The following NDUFS4 variants were observed in gnomAD, a reference collection of about 807,000 sequenced individuals.
NDUFS4 encodes NADH dehydrogenase [ubiquinone] iron-sulfur protein 4, mitochondrial.
In NDUFS4, 28 loss-of-function variants were observed where a neutral mutation model predicts 24.3. That is an observed-to-expected ratio of 1.15 (90% confidence interval 0.85 to 1.58). The LOEUF is 1.58. NDUFS4 is among the 40% of genes most tolerant of loss of function. The pLI, the probability that NDUFS4 is intolerant of heterozygous loss-of-function variation, is 0.00. For synonymous variants in NDUFS4, 93 were observed against 69.7 expected, an observed-to-expected ratio of 1.34 and a Z score of -1.67; for missense variants, 223 against 207.9, an observed-to-expected ratio of 1.07 and a Z score of -0.45.
intron 2 of NDUFS4, among the ~76,000 whole-genome samples, chr5:53,627,405 G>A (rs147992869): frequency 3.9e-5 from 6 of 152,020 alleles, no homozygotes; most frequent in Non-Finnish European, 5.9e-5. Context: ...TAGTTTTTTC[G>A]AATTCTGTGA....
intron 2 of NDUFS4, among the ~76,000 whole-genome samples, chr5:53,635,929 T>C (rs964656735): frequency 6.6e-6 from 1 of 152,238 alleles, no homozygotes; most frequent in African/African-American, 2.4e-5. Flanking sequence ...TTATGTCATA[T>C]GTCAAATCAT....
At chr5:53,590,266 TG>T (rs1275483447) in intron 1 of NDUFS4, among the ~76,000 whole-genome samples, 1 of 152,234 alleles carries the variant, frequency 6.6e-6, no homozygotes, top group Non-Finnish European at 1.5e-5. Context: ...CCTTGTGTTT[TG>T]TCTGTTACAT....
chr5:53,649,541 C>G (rs1489760018), intron 3 of NDUFS4, among the ~76,000 whole-genome samples: 1 of 152,142 alleles, frequency 6.6e-6, no homozygotes, highest in Non-Finnish European at 1.5e-5. Context: ...TGATTTGATT[C>G]TTTTTTATTG....
intron 3 of NDUFS4, among the ~76,000 whole-genome samples, chr5:53,656,497 A>G (rs1202850507): frequency 6.6e-6 from 1 of 152,188 alleles, no homozygotes; most frequent in Admixed American, 6.5e-5. Flanking sequence ...GATTATTTGG[A>G]TGGACTTCCA....
intron 2 of NDUFS4, among the ~76,000 whole-genome samples, chr5:53,627,080 C>T (rs1408858901): frequency 6.6e-6 from 1 of 152,076 alleles, no homozygotes; most frequent in East Asian, 1.9e-4. Flanking sequence ...GGAAGGGATC[C>T]AGTTTCAGCT....
intron 1 of NDUFS4, among the ~76,000 whole-genome samples, chr5:53,577,934 C>A (rs1373285850): frequency 6.6e-6 from 1 of 152,126 alleles, no homozygotes; most frequent in Non-Finnish European, 1.5e-5. Context: ...ATCTAATTCT[C>A]CAGATGAGCA....
intron 1 of NDUFS4, among the ~76,000 whole-genome samples, chr5:53,583,471 T>G (rs573123845): frequency 6.6e-6 from 1 of 152,234 alleles, no homozygotes. Context: ...TGTAATTTTT[T>G]TCCGTAATAA....
At chr5:53,642,250 CA>C (rs1214088201) in intron 2 of NDUFS4, among the ~76,000 whole-genome samples, 7 of 152,018 alleles carry the variant, frequency 4.6e-5, no homozygotes, top group Non-Finnish European at 1.0e-4. Flanking sequence ...GAAATGGTGC[CA>C]AAAAGGAGGT....
At chr5:53,659,129 T>C (rs1257023219) in intron 4 of NDUFS4, among the ~76,000 whole-genome samples, 2 of 152,194 alleles carry the variant, frequency 1.3e-5, no homozygotes, top group Non-Finnish European at 2.9e-5. Flanking sequence ...TTTCTAGATA[T>C]AGTGGGCCTA....
intron 4 of NDUFS4, among the ~76,000 whole-genome samples, chr5:53,665,965 C>T (rs1304208408): frequency 6.6e-6 from 1 of 152,200 alleles, no homozygotes; most frequent in African/African-American, 2.4e-5. Context: ...ACCATCTTGG[C>T]TCCACCTTAA....
chr5:53,641,594 TTA>T (rs1026630969), intron 2 of NDUFS4, among the ~76,000 whole-genome samples: 3 of 152,174 alleles, frequency 2.0e-5, no homozygotes, highest in Non-Finnish European at 4.4e-5. Flanking sequence ...AAATTTATTT[TTA>T]TGTTTTTTAT....
chr5:53,569,644 G>A (rs1005784649), intron 1 of NDUFS4, among the ~76,000 whole-genome samples: 1 of 152,086 alleles, frequency 6.6e-6, no homozygotes, highest in Admixed American at 6.5e-5. Context: ...AGACTTACTG[G>A]TAAGTGATGT....
chr5:53,665,272 G>A (rs1028444361), intron 4 of NDUFS4, among the ~76,000 whole-genome samples: 1 of 152,204 alleles, frequency 6.6e-6, no homozygotes, highest in Non-Finnish European at 1.5e-5. Flanking sequence ...CTACTCAGGG[G>A]TCAGGGACCC....
chr5:53,673,821 A>G (rs1740369311), intron 4 of NDUFS4, among the ~76,000 whole-genome samples: 1 of 152,200 alleles, frequency 6.6e-6, no homozygotes, highest in Admixed American at 6.5e-5. Flanking sequence ...ATTTTAGTAG[A>G]CTAGCAGATC....
intron 2 of NDUFS4, among the ~76,000 whole-genome samples, chr5:53,614,007 T>G (rs1398180529): frequency 6.6e-6 from 1 of 152,050 alleles, no homozygotes; most frequent in Non-Finnish European, 1.5e-5. Context: ...TTTTGTCTCA[T>G]GACATGTATC....
At chr5:53,567,438 C>A (rs1025843316) in intron 1 of NDUFS4, among the ~76,000 whole-genome samples, 1 of 152,034 alleles carries the variant, frequency 6.6e-6, no homozygotes, top group Non-Finnish European at 1.5e-5. Flanking sequence ...TAGTTGTTTA[C>A]TTTTTTAAGC....
chr5:53,608,069 C>T (rs1750583369), intron 2 of NDUFS4, among the ~76,000 whole-genome samples: 1 of 151,908 alleles, frequency 6.6e-6, no homozygotes. Flanking sequence ...GGTTTGGTTC[C>T]AGACCACCAC....
rs143486107 is a variant in NDUFS4, at chr5:53,605,234, A to G, written c.177+1704A>G. ...GAAACTCAGTCTGAAAAACAAAACA[A>G]AAGAAATGAGGCAGTTATGTGTGTA... On this transcript the variant is annotated intron_variant, in intron 2 of 4. Coordinates refer to ENST00000296684, the MANE Select transcript of NDUFS4 (RefSeq NM_002495.4). Among the ~76,000 whole-genome samples the G allele has an allele frequency of 1.5e-3, 227 of 152,282 alleles. 1 individual carries two copies. The highest frequency in any genetic ancestry group is 5.0e-3 in the African/African-American group (206 of 41,558).
chr5:53,664,156 T>C (rs950625372), intron 4 of NDUFS4, among the ~76,000 whole-genome samples: 1 of 152,224 alleles, frequency 6.6e-6, no homozygotes, highest in Non-Finnish European at 1.5e-5. Context: ...TGTTGAATAT[T>C]GGCCCCCACT....
Sources: gnomAD v4.1 joint callset for allele counts (sites outside exome capture counted in the v4.1 genomes callset) on GRCh38, gnomAD v4.1.1 for gene constraint, MANE v1.5 for transcripts, NCBI Gene and HGNC (gene_info 2026-07-23, HGNC 2026-07-21) for gene names.